Variants in RIT2 observed in about 807,000 individuals in gnomAD.
RIT2 encodes GTP-binding protein Rit2.
Under a neutral mutation model 23.7 loss-of-function variants are expected in RIT2, and 24 were observed. That is an observed-to-expected ratio of 1.01 (90% CI 0.73 to 1.43). The LOEUF (loss-of-function observed/expected upper bound fraction) is 1.43. Ranked by LOEUF, RIT2 falls within the 40% of genes most tolerant of loss-of-function variation. The pLI is 0.00. For synonymous variants in RIT2, 107 were observed against 91.1 expected (o/e 1.17, Z -0.99); for missense variants, 236 against 266.9 (o/e 0.88, Z 0.81).
intron 2 of RIT2, among the ~76,000 whole-genome samples, chr18:43,032,372 A>C (rs1017224961): frequency 6.6e-6 from 1 of 152,096 alleles, no homozygotes; most frequent in Non-Finnish European, 1.5e-5. Context: ...AATACATACA[A>C]AGCTTAAAGA....
At chr18:42,986,958 A>G (rs1910723619) in intron 2 of RIT2, among the ~76,000 whole-genome samples, 2 of 152,204 alleles carry the variant, frequency 1.3e-5, no homozygotes, top group Admixed American at 1.3e-4. Flanking sequence ...TAAAAGACTA[A>G]CAACATCAAA....
intron 3 of RIT2, among the ~76,000 whole-genome samples, chr18:42,939,017 G>A (rs151297304): frequency 1.3e-5 from 2 of 152,184 alleles, no homozygotes; most frequent in African/African-American, 4.8e-5. Context: ...AAGTGCTGGG[G>A]TTATACTGGT....
At chr18:42,827,721 G>A (rs186381845) in intron 4 of RIT2, among the ~76,000 whole-genome samples, 138 of 152,052 alleles carry the variant, frequency 9.1e-4, no homozygotes, top group African/African-American at 2.9e-3. Flanking sequence ...TTAGAAAAAT[G>A]TAGGCCAGGC....
chr18:42,974,231 A>T (rs1236086600), intron 2 of RIT2, 84 bp from the exon 3 acceptor site: 2 of 838,562 alleles, frequency 2.4e-6, no homozygotes, highest in Non-Finnish European at 3.8e-6. Flanking sequence ...AAGAATTTCT[A>T]AGTAAGTTAC....
intron 3 of RIT2, among the ~76,000 whole-genome samples, chr18:42,940,420 GACAC>G (rs951902444): frequency 6.7e-6 from 1 of 149,100 alleles, no homozygotes; most frequent in Non-Finnish European, 1.5e-5. Context: ...CACATATATA[GACAC>G]ACACACACAT....
chr18:43,060,861 C>T (rs914864957), intron 1 of RIT2, among the ~76,000 whole-genome samples: 3 of 151,938 alleles, frequency 2.0e-5, no homozygotes, highest in Non-Finnish European at 4.4e-5. Flanking sequence ...TAGATCATTC[C>T]GACATGAGGA....
At chr18:43,080,001 T>C (rs1913116916) in intron 1 of RIT2, among the ~76,000 whole-genome samples, 1 of 152,224 alleles carries the variant, frequency 6.6e-6, no homozygotes, top group African/African-American at 2.4e-5. Flanking sequence ...TATTAAGATG[T>C]TCGTTAATTT....
chr18:42,974,067 C>G lies in RIT2; in HGVS notation c.234+7G>C. The G allele has an allele frequency of 6.2e-7, 1 of 1,603,984 alleles. No individual in the cohort carries two copies. Among genetic ancestry groups the G allele is most frequent in the South Asian group, 1.1e-5 (1 of 90,568 alleles). ...AGAGATTGGAGAGGTTTAAGAACAT[C>G]ACCTACCTGGCCAGCAGTGTCCAAG... On this transcript the variant is annotated splice_region_variant and intron_variant, in intron 3 of 4. Transcript: ENST00000326695.
At chr18:43,051,053 G>A (rs965185140) in intron 1 of RIT2, among the ~76,000 whole-genome samples, 2 of 151,948 alleles carry the variant, frequency 1.3e-5, no homozygotes, top group Admixed American at 1.3e-4. Flanking sequence ...CCAGAGGCTC[G>A]GACTTACAAC....
intron 1 of RIT2, among the ~76,000 whole-genome samples, chr18:43,111,874 C>T (rs1296190370): frequency 6.6e-6 from 1 of 152,072 alleles, no homozygotes; most frequent in Admixed American, 6.6e-5. Flanking sequence ...TTGCAGGTCT[C>T]TTCACCTCTC....
intron 1 of RIT2, among the ~76,000 whole-genome samples, chr18:43,098,043 C>T (rs1044706431): frequency 1.3e-5 from 2 of 151,874 alleles, no homozygotes; most frequent in Non-Finnish European, 2.9e-5. Context: ...AAAATGATAG[C>T]ACATGATGGG....
intron 2 of RIT2, among the ~76,000 whole-genome samples, chr18:42,983,025 C>T (rs190629897): frequency 5.4e-4 from 82 of 151,434 alleles, no homozygotes; most frequent in African/African-American, 1.9e-3. Context: ...ATTTTAATTC[C>T]ACAATATAAT....
chr18:43,089,589 A>AG (rs1491381292), intron 1 of RIT2, among the ~76,000 whole-genome samples: 1 of 141,260 alleles, frequency 7.1e-6, no homozygotes, highest in Non-Finnish European at 1.6e-5. Flanking sequence ...GCAAAAAAAA[A>AG]TAAAAAAAAA....
chr18:42,813,810 G>T (rs912933245), intron 4 of RIT2, among the ~76,000 whole-genome samples: 2 of 152,146 alleles, frequency 1.3e-5, no homozygotes, highest in African/African-American at 2.4e-5. Context: ...GTAAAAATAA[G>T]TCAGGAAACC....
chr18:42,751,313 G>A lies in RIT2; in HGVS notation c.427-7593C>T, dbSNP rs532472613. Among the ~76,000 whole-genome samples the A allele has an allele frequency of 8.6e-5, 13 of 151,676 alleles. No homozygotes were observed. The South Asian group carries it at 2.5e-3, about 29-fold the overall frequency. The stretch of plus-strand genomic sequence containing the variant: ...AGCTAAATCCATAAATTCTTTAAGT[G>A]TTTGAAAAAATATGTTTAGTTGTAT... On this transcript the variant is annotated intron_variant, in intron 4 of 4. Coordinates refer to ENST00000326695, the MANE Select transcript of RIT2 (RefSeq NM_002930.4).
intron 1 of RIT2, among the ~76,000 whole-genome samples, chr18:43,062,123 T>G (rs2144324000): frequency 6.6e-6 from 1 of 152,048 alleles, no homozygotes; most frequent in South Asian, 2.1e-4. Flanking sequence ...CTCACTGAAT[T>G]AAGGGAGCAA....
intron 1 of RIT2, among the ~76,000 whole-genome samples, chr18:43,105,498 A>AGGGAGGAAGAG (rs1568083831): frequency 1.9e-5 from 1 of 52,160 alleles, no homozygotes; most frequent in Non-Finnish European, 4.1e-5. Flanking sequence ...GGGAGGAAGA[A>AGGGAGGAAGAG]AGGGAGGGAG....
chr18:43,110,482 A>G (rs2144252392), intron 1 of RIT2, among the ~76,000 whole-genome samples: 1 of 152,300 alleles, frequency 6.6e-6, no homozygotes, highest in South Asian at 2.1e-4. Context: ...TTGCTGTTTC[A>G]AACCACAGTG....
intron 3 of RIT2, among the ~76,000 whole-genome samples, chr18:42,928,301 T>C (rs1190146376): frequency 6.6e-6 from 1 of 151,890 alleles, no homozygotes; most frequent in African/African-American, 2.4e-5. Flanking sequence ...CTAAATGAAC[T>C]GTGGGGTTGA....
Sources: allele counts gnomAD v4.1 joint callset (sites outside exome capture counted in the v4.1 genomes callset), GRCh38; gene constraint gnomAD v4.1.1; transcripts MANE v1.5; gene names NCBI Gene and HGNC (gene_info 2026-07-23, HGNC 2026-07-21).